Variants in MRGPRF observed in about 807,000 individuals in gnomAD.
The protein encoded by MRGPRF is mas-related G protein-coupled receptor member F.
A neutral mutation model predicts 3.3 loss-of-function variants in MRGPRF; 2 were observed. The observed-to-expected ratio is 0.61, with a 90% CI of 0.25 to 1.92. The LOEUF (loss-of-function observed/expected upper bound fraction) is 1.92, where lower values mean the gene tolerates loss of function less well. Among genes scored for constraint, MRGPRF ranks in the 40% most tolerant of loss-of-function variants. The pLI is 0.16. For missense variants in MRGPRF, 500 were observed against 476.0 expected (o/e 1.05, Z -0.47); for synonymous variants, 242 against 222.7 (o/e 1.09, Z -0.77).
rs143591586 is a variant in MRGPRF at position 69,006,196 on chromosome 11, G to A, written c.114C>T (p.Ile38=). ...YSRGFLTIEQ[I]AMLPPPAVMN... ...TGACGGCCGGAGGCGGCAGCATCGCGATCTGCTCGATGGTCAGGAAGCCCC... is the reference window on the plus strand; with the variant it reads ...TGACGGCCGGAGGCGGCAGCATCGCAATCTGCTCGATGGTCAGGAAGCCCC... Residue 38 remains isoleucine (I), a synonymous_variant, in exon 3 of 3, where the codon ATC becomes ATT. Coordinates refer to ENST00000309099, the MANE Select transcript of MRGPRF (RefSeq NM_145015.5). 2.9e-5 allele frequency: 47 copies of A among 1,613,644 alleles called. No homozygotes were observed. The highest frequency in any genetic ancestry group is 4.0e-5 in the Non-Finnish European group (47 of 1,180,040).
Position 69,005,241 on chromosome 11 carries a change from C to T in MRGPRF, c.*37G>A. 1.4e-6 allele frequency: 2 copies of T among 1,454,882 alleles called. No homozygotes were observed. The highest frequency in any genetic ancestry group is 1.8e-6 in the Non-Finnish European group (2 of 1,110,152). 90.1% of individuals were successfully genotyped at this position (1,454,882 alleles called of 1,614,324 possible). A position where few individuals can be genotyped will look rare whatever the true frequency, so the allele number is the denominator to read the frequency against. ...GTCCCAAGGCGAAGGGTCTTGGAGG[C>T]CGCTTCCTGCCCCTGCCTCCTCCAG... is the stretch of plus-strand genomic sequence containing the variant. On this transcript the variant is annotated 3_prime_UTR_variant, in exon 3 of 3. Transcript: ENST00000309099.
chr11:69,005,405 A>C lies in MRGPRF; in HGVS notation c.905T>G (p.Leu302Arg). The C allele has an allele frequency of 6.3e-7, 1 of 1,580,412 alleles. No individual in the cohort carries two copies. The highest frequency in any genetic ancestry group is 8.6e-7 in the Non-Finnish European group (1 of 1,163,676). Residue 302 changes from leucine to arginine, a missense_variant, in exon 3 of 3, where the codon CTG (leucine) becomes CGG (arginine). Coordinates refer to ENST00000309099, the MANE Select transcript of MRGPRF (RefSeq NM_145015.5). ...GAAGACCACCCTGAGCGGCTCCCAC[A>C]GCCGCTGCGACTTGTCCCTCCCGGC... ...FLAGRDKSQR[L>R]WEPLRVVFQR...
At position 69,009,959 on chromosome 11, in the gene MRGPRF, T is replaced by G; in HGVS notation, c.-56-2A>C. The G allele has an allele frequency of 1.3e-6, 2 of 1,557,052 alleles. No individual in the cohort carries two copies. The highest frequency in any genetic ancestry group is 1.7e-6 in the Non-Finnish European group (2 of 1,153,670). ...CAGCTCACCAGTCTGCACACCCACCTGGCAGAAGCCCAGAGAGAGGGTGGA... is the reference window on the plus strand; with the variant it reads ...CAGCTCACCAGTCTGCACACCCACCGGGCAGAAGCCCAGAGAGAGGGTGGA... On this transcript the variant is annotated splice_acceptor_variant, in intron 1 of 2. Transcript: ENST00000309099. LOFTEE classifies it low-confidence loss of function (5UTR_SPLICE).
chr11:69,004,973 C>T lies in MRGPRF; in HGVS notation c.*305G>A, dbSNP rs1860437489. ...TGGCTAGGCTGGGTGTTGACCTCCT[C>T]TCTTTTACCAACCAGCCTAGGGCAA... is the stretch of plus-strand genomic sequence containing the variant. On this transcript the variant is annotated 3_prime_UTR_variant, in exon 3 of 3. Transcript: ENST00000309099. 5.8e-6 allele frequency: 2 copies of T among 343,386 alleles called. No individual in the cohort carries two copies. The highest frequency in any genetic ancestry group is 9.0e-5 in the Admixed American group (2 of 22,276). The allele number at this position is 343,386 out of a possible 1,614,324, so 21.3% of individuals were successfully genotyped here.
Position 69,006,101 on chromosome 11 carries a change from C to G in MRGPRF, c.209G>C (p.Gly70Ala), listed in dbSNP as rs148908325. 3.1e-6 allele frequency: 5 copies of G among 1,612,842 alleles called. No individual in the cohort carries two copies. Among genetic ancestry groups the G allele is most frequent in the African/African-American group, 2.7e-5 (2 of 74,904 alleles). Residue 70 changes from glycine (G) to alanine (A), a missense_variant, in exon 3 of 3, where the codon GGC becomes GCC. Physicochemically the swap from Gly to Ala is moderately conservative, Grantham distance 60. Coordinates refer to ENST00000309099, the MANE Select transcript of MRGPRF (RefSeq NM_145015.5). ...GAAGGGGTTCCTCTTGATGGAGAAG[C>G]CGAAAAACCAGAGGACCAGCCCGTT... Reference protein sequence around the residue: ...VGNGLVLWFFGFSIKRNPFSI... With the variant: ...VGNGLVLWFFAFSIKRNPFSI...
At chr11:69,006,764 C>T (rs759302966) in intron 2 of MRGPRF, among the ~76,000 whole-genome samples, 21 of 151,942 alleles carry the variant, frequency 1.4e-4, no homozygotes, top group Admixed American at 3.9e-4. Context: ...GCTGGGACTA[C>T]GGGCACGCGG....
chr11:69,006,046 G>A lies in MRGPRF; in HGVS notation c.264C>T (p.Ala88=), dbSNP rs1183826668. 4 of 1,586,442 alleles carry A rather than the reference G, an allele frequency of 2.5e-6. No homozygotes were observed. In the Admixed American group the frequency reaches 5.4e-5, roughly 22 times the overall value. The stretch of plus-strand genomic sequence containing the variant: ...CCTTGCTGAAGAGGTAGCCCACATC[G>A]GCGCTGGCCAGGTGCAGGAAGTAGA... ...FSIYFLHLAS[A]DVGYLFSKAV... The change falls in exon 3 of 3, where the codon GCC becomes GCT. Residue 88 remains alanine (A), a synonymous_variant. Transcript: ENST00000309099.
rs918732602 is a variant in MRGPRF at position 69,005,826 on chromosome 11, C to T, written c.484G>A (p.Val162Met). Residue 162 changes from valine to methionine, a missense_variant, in exon 3 of 3, where the codon GTG becomes ATG. Transcript: ENST00000309099. Reference sequence around the variant, plus strand: ...AGGACCCACAGCAGGGCGCACACCACGGCCGACAGGCGCTTGGGCCGCCGG... The same window carrying T: ...AGGACCCACAGCAGGGCGCACACCATGGCCGACAGGCGCTTGGGCCGCCGG... ...WRRRPKRLSA[V>M]VCALLWVLSL... 5.2e-6 allele frequency: 8 copies of T among 1,532,208 alleles called. No homozygotes were observed. Among genetic ancestry groups the T allele is most frequent in the South Asian group, 3.7e-5 (3 of 80,814 alleles). 94.9% of individuals were successfully genotyped at this position (1,532,208 alleles called of 1,614,324 possible).
At chr11:69,008,717 C>T (rs932314495) in intron 2 of MRGPRF, among the ~76,000 whole-genome samples, 1 of 152,228 alleles carries the variant, frequency 6.6e-6, no homozygotes, top group Non-Finnish European at 1.5e-5. Context: ...TGTGGGTGAC[C>T]TGGACACTCT....
At position 69,005,737 on chromosome 11, in the gene MRGPRF, G is replaced by A; in HGVS notation, c.573C>T (p.Gly191=). The A allele has an allele frequency of 1.9e-6, 3 of 1,550,088 alleles. No homozygotes were observed. The highest frequency in any genetic ancestry group is 2.6e-6 in the Non-Finnish European group (3 of 1,146,604). Residue 191 remains glycine (G), a synonymous_variant, in exon 3 of 3, where the codon GGC becomes GGT. Transcript: ENST00000309099. ...AGATGTCCATGTGCCTGCAGGCCGC[G>A]CCGGGGGCCCCGCGGCCCAGGAACA... The part of the protein sequence containing the change: ...FCVFLGRGAP[G]AACRHMDIFL...
At chr11:69,006,619 C>CATT in intron 2 of MRGPRF, among the ~76,000 whole-genome samples, 1 of 107,922 alleles carries the variant, frequency 9.3e-6, no homozygotes, top group East Asian at 3.0e-4. Context: ...GAGCCTTTCC[C>CATT]TTTTTTTTTT....
At chr11:69,013,014 G>C (rs1412953185) in intron 1 of MRGPRF, 69 bp downstream of exon 1, 1 of 153,714 alleles carries the variant, frequency 6.5e-6, no homozygotes, top group Non-Finnish European at 1.4e-5. Context: ...TTCCTTCCCT[G>C]CCTGGCCCTC....
At chr11:69,011,005 G>A (rs1860584106) in intron 1 of MRGPRF, among the ~76,000 whole-genome samples, 1 of 152,170 alleles carries the variant, frequency 6.6e-6, no homozygotes, top group African/African-American at 2.4e-5. Context: ...GGGCCTTGCT[G>A]GGCACAGCCC....
chr11:69,012,475 G>C (rs916967877), intron 1 of MRGPRF: 6 of 152,312 alleles, frequency 3.9e-5, no homozygotes, highest in African/African-American at 1.2e-4. Context: ...GGGGGACTGA[G>C]ACCTTGCAGA....
At chr11:69,007,790 G>A (rs996630633) in intron 2 of MRGPRF, among the ~76,000 whole-genome samples, 1 of 152,182 alleles carries the variant, frequency 6.6e-6, no homozygotes, top group Admixed American at 6.5e-5. Context: ...TTCCTGATGA[G>A]CCAGGGTTGC....
In MRGPRF at chr11:69,006,243, CGCTCA is replaced by C. The variant is rs750277767; in HGVS notation, c.62_66del (p.Leu21ArgfsTer255). On this transcript the variant is annotated frameshift_variant, in exon 3 of 3. Coordinates refer to ENST00000309099, the MANE Select transcript of MRGPRF (RefSeq NM_145015.5). LOFTEE classifies it low-confidence loss of function (END_TRUNC). Reference sequence around the variant, plus strand: ...CCCCGGCTGTAGAGTTCCGGGGCCTCGCTCAGGCCAGGGCACATCTGCGCAGGTGC... The same window carrying C: ...CCCCGGCTGTAGAGTTCCGGGGCCTCGGCCAGGGCACATCTGCGCAGGTGC... 6 of 1,611,748 alleles carry C rather than the reference CGCTCA, an allele frequency of 3.7e-6. No homozygotes were observed. In the South Asian group the frequency reaches 5.5e-5, roughly 15 times the overall value.
At chr11:69,010,830 C>T (rs966959594) in intron 1 of MRGPRF, among the ~76,000 whole-genome samples, 6 of 152,160 alleles carry the variant, frequency 3.9e-5, no homozygotes, top group African/African-American at 1.4e-4. Context: ...CCTCATGGGT[C>T]TGCCTGCCTT....
chr11:69,010,365 G>A (rs1288428318), intron 1 of MRGPRF, among the ~76,000 whole-genome samples: 2 of 152,262 alleles, frequency 1.3e-5, no homozygotes, highest in Non-Finnish European at 2.9e-5. Flanking sequence ...AGGAGGAGCA[G>A]GGGAAGAGGG....
intron 2 of MRGPRF, chr11:69,009,527 G>A (rs899443907): frequency 1.7e-6 from 1 of 585,908 alleles, no homozygotes; most frequent in Non-Finnish European, 3.0e-6. Flanking sequence ...CCTGGCTGTA[G>A]TAAGTAGCTG....
Sources: allele counts gnomAD v4.1 joint callset (sites outside exome capture counted in the v4.1 genomes callset), GRCh38; gene constraint gnomAD v4.1.1; transcripts MANE v1.5; gene names NCBI Gene and HGNC (gene_info 2026-07-23, HGNC 2026-07-21).